The following CCNJL variants were observed in gnomAD, a reference collection of about 807,000 sequenced individuals.
The protein encoded by CCNJL is cyclin-J-like protein.
In CCNJL, 33 loss-of-function variants were observed where a neutral mutation model predicts 33.4. That is an observed-to-expected ratio of 0.99 (90% CI 0.75 to 1.32). The LOEUF (loss-of-function observed/expected upper bound fraction) is 1.32. Ranked by LOEUF, CCNJL falls within the 40% of genes most tolerant of loss-of-function variation. The pLI is 0.00. For missense variants in CCNJL, 512 were observed against 499.7 expected (o/e 1.02, Z -0.23); for synonymous variants, 227 against 220.9 (o/e 1.03, Z -0.24).
intron 2 of CCNJL, among the ~76,000 whole-genome samples, chr5:160,309,701 CT>C (rs1235231452): frequency 6.6e-6 from 1 of 152,140 alleles, no homozygotes; most frequent in Non-Finnish European, 1.5e-5. Flanking sequence ...GAAGCATTTT[CT>C]TCTTTGAAGT....
At chr5:160,322,647 C>CGGAGG (rs1561813311) in intron 1 of CCNJL, among the ~76,000 whole-genome samples, 2 of 150,860 alleles carry the variant, frequency 1.3e-5, no homozygotes, top group African/African-American at 2.4e-5. Context: ...GTGGCTCACG[C>CGGAGG]CTGTAATCCC....
intron 3 of CCNJL, among the ~76,000 whole-genome samples, chr5:160,273,268 T>A (rs1761901238): frequency 1.3e-5 from 2 of 152,236 alleles, no homozygotes; most frequent in South Asian, 4.1e-4. Context: ...GTGTTGTGTA[T>A]TTGTTTAATA....
At chr5:160,301,603 TTTTG>T (rs367779436) in intron 2 of CCNJL, among the ~76,000 whole-genome samples, 2,553 of 150,156 alleles carry the variant, frequency 0.017, 77 homozygotes, top group African/African-American at 0.06. Context: ...CCAGCAATTT[TTTTG>T]TTTATTTTTA....
intron 1 of CCNJL, among the ~76,000 whole-genome samples, chr5:160,323,577 A>T (rs1193110500): frequency 6.6e-6 from 1 of 152,176 alleles, no homozygotes; most frequent in Non-Finnish European, 1.5e-5. Context: ...TCCTTTCTTT[A>T]TGCTTCTCCA....
intron 1 of CCNJL, among the ~76,000 whole-genome samples, chr5:160,321,814 G>C (rs1413560487): frequency 6.6e-6 from 1 of 151,984 alleles, no homozygotes; most frequent in African/African-American, 2.4e-5. Context: ...AGCCGAGACG[G>C]TGCCACTGCA....
At chr5:160,267,819 C>T (rs550343671) in intron 3 of CCNJL, among the ~76,000 whole-genome samples, 1 of 152,340 alleles carries the variant, frequency 6.6e-6, no homozygotes, top group East Asian at 1.9e-4. Context: ...GCTTCGGCTT[C>T]CCAAAGTGCT....
At chr5:160,296,765 G>A (rs1354495122) in intron 2 of CCNJL, among the ~76,000 whole-genome samples, 1 of 152,186 alleles carries the variant, frequency 6.6e-6, no homozygotes, top group Non-Finnish European at 1.5e-5. Flanking sequence ...GGACCCTGCA[G>A]AGAGATGAAC....
At chr5:160,335,979 C>A (rs1013235967) in intron 1 of CCNJL, among the ~76,000 whole-genome samples, 1 of 152,160 alleles carries the variant, frequency 6.6e-6, no homozygotes, top group Non-Finnish European at 1.5e-5. Flanking sequence ...CAGTCCTCCT[C>A]ATCGTCCACA....
At position 160,278,289 on chromosome 5, in the gene CCNJL, C is replaced by T. The variant is rs576689903; in HGVS notation, c.280+2236G>A. On this transcript the variant is annotated intron_variant, in intron 3 of 5. Transcript: ENST00000257536. The stretch of plus-strand genomic sequence containing the variant: ...TGTTGGGATTATAGGTGTGAGCCAC[C>T]GCGCCCAGCCTTCCTGTCTATCTGG... Among the ~76,000 whole-genome samples the T allele has an allele frequency of 1.4e-4, 22 of 152,238 alleles. No homozygotes were observed. The South Asian group carries it at 1.9e-3, about 13-fold the overall frequency.
At chr5:160,320,984 C>T (rs13166233) in intron 1 of CCNJL, among the ~76,000 whole-genome samples, 1 of 116,164 alleles carries the variant, frequency 8.6e-6, no homozygotes, top group Non-Finnish European at 1.8e-5. Flanking sequence ...CTCCCTCTCT[C>T]TCTTTCTTTC....
chr5:160,298,681 G>A (rs181117265), intron 2 of CCNJL, among the ~76,000 whole-genome samples: 63 of 150,302 alleles, frequency 4.2e-4, no homozygotes, highest in African/African-American at 1.2e-3. Context: ...AGTCAGGGAC[G>A]GCTTCTCTGA....
At chr5:160,300,331 T>A (rs571875314) in intron 2 of CCNJL, among the ~76,000 whole-genome samples, 1 of 152,156 alleles carries the variant, frequency 6.6e-6, no homozygotes, top group Non-Finnish European at 1.5e-5. Context: ...CATCCAGCCC[T>A]TGATGCAGGT....
rs1353006153 is a variant in CCNJL at position 160,251,634 on chromosome 5, G to C, written c.*1744C>G. On this transcript the variant is annotated 3_prime_UTR_variant, in exon 6 of 6. Transcript: ENST00000257536. ...GGAAGGAGGGGCCGGCCCAAGAGGG[G>C]ATGCCTAGGACAAGAGGTGAGAGAT... 1 of 152,312 alleles carries C rather than the reference G, an allele frequency of 6.6e-6. No individual in the cohort carries two copies. Among genetic ancestry groups the C allele is most frequent in the African/African-American group, 2.4e-5 (1 of 41,432 alleles). 9.4% of individuals were successfully genotyped at this position (152,312 alleles called of 1,614,324 possible).
intron 2 of CCNJL, among the ~76,000 whole-genome samples, chr5:160,306,906 G>A (rs1763112632): frequency 6.6e-6 from 1 of 152,242 alleles, no homozygotes; most frequent in Non-Finnish European, 1.5e-5. Context: ...ATCTGCCCTT[G>A]CAGGTAATTG....
intron 3 of CCNJL, among the ~76,000 whole-genome samples, chr5:160,260,197 T>G (rs577725894): frequency 5.9e-5 from 9 of 152,240 alleles, no homozygotes; most frequent in Admixed American, 5.2e-4. Context: ...CAATCCAACC[T>G]CCTGGCTAGA....
intron 3 of CCNJL, among the ~76,000 whole-genome samples, chr5:160,260,256 G>T (rs925345947): frequency 6.6e-6 from 1 of 152,176 alleles, no homozygotes; most frequent in Admixed American, 6.5e-5. Flanking sequence ...GTGTAGAAAA[G>T]CTCTTCAATG....
At chr5:160,261,904 C>T (rs192773483) in intron 3 of CCNJL, among the ~76,000 whole-genome samples, 1 of 152,318 alleles carries the variant, frequency 6.6e-6, no homozygotes. Flanking sequence ...ACATGCCTGG[C>T]ACATAGTAGG....
intron 2 of CCNJL, among the ~76,000 whole-genome samples, chr5:160,301,737 C>CTT (rs1327410011): frequency 8.2e-6 from 1 of 121,996 alleles, no homozygotes; most frequent in African/African-American, 3.1e-5. Flanking sequence ...ACCCGGTCGT[C>CTT]TTTTTTTTTT....
chr5:160,328,520 G>A (rs545919406), intron 1 of CCNJL, among the ~76,000 whole-genome samples: 171 of 151,870 alleles, frequency 1.1e-3, no homozygotes, highest in Non-Finnish European at 2.1e-3. Context: ...ACTTTGGGAG[G>A]TCAAGGCAGT....
Sources: gnomAD v4.1 joint callset for allele counts (sites outside exome capture counted in the v4.1 genomes callset) on GRCh38, gnomAD v4.1.1 for gene constraint, MANE v1.5 for transcripts, NCBI Gene and HGNC (gene_info 2026-07-23, HGNC 2026-07-21) for gene names.